Variants in CSMD1 observed in about 807,000 individuals in gnomAD.
The protein encoded by CSMD1 is CUB and sushi domain-containing protein 1.
A neutral mutation model predicts 417.5 loss-of-function variants in CSMD1; 213 were observed. That is an observed-to-expected ratio of 0.51 (90% CI 0.46 to 0.57). CSMD1 has a LOEUF of 0.57. Among genes scored for constraint, CSMD1 ranks in the 20% least tolerant of loss-of-function variants. The pLI, the probability that CSMD1 is intolerant of heterozygous loss-of-function variation, is 0.00. For missense variants in CSMD1, 6,923 were observed against 4,529.7 expected (o/e 1.53, Z -15.17); for synonymous variants, 2,862 against 1,736.8 (o/e 1.65, Z -16.11).
At chr8:3,373,303 C>A (rs1289721717) in intron 18 of CSMD1, 3 of 152,212 alleles carry the variant, frequency 2.0e-5, no homozygotes, top group Non-Finnish European at 4.4e-5. Flanking sequence ...ATACCACACA[C>A]AGAACCCGGA....
chr8:3,449,298 C>G (rs898601251), intron 12 of CSMD1, among the ~76,000 whole-genome samples: 1 of 152,122 alleles, frequency 6.6e-6, no homozygotes, highest in Admixed American at 6.5e-5. Context: ...AGCTTCTTTG[C>G]TTTTAAAAAT....
intron 7 of CSMD1, among the ~76,000 whole-genome samples, chr8:3,651,813 A>G (rs62474663): frequency 0.2 from 30,319 of 150,892 alleles, 3,674 homozygotes; most frequent in East Asian, 0.4. Flanking sequence ...ACTTACCACC[A>G]TCAGAGCACC....
chr8:4,760,430 G>A (rs549443923), intron 1 of CSMD1, among the ~76,000 whole-genome samples: 1 of 152,132 alleles, frequency 6.6e-6, no homozygotes, highest in Non-Finnish European at 1.5e-5. Flanking sequence ...GTGGCTAGAA[G>A]AGTCCATGGC....
intron 17 of CSMD1, among the ~76,000 whole-genome samples, chr8:3,391,582 C>G (rs973157049): frequency 1.3e-5 from 2 of 152,174 alleles, no homozygotes; most frequent in African/African-American, 4.8e-5. Flanking sequence ...TGAGATGATT[C>G]CTAAGACTGA....
intron 8 of CSMD1, among the ~76,000 whole-genome samples, chr8:3,593,200 T>A (rs1470320261): frequency 6.6e-6 from 1 of 152,228 alleles, no homozygotes. Context: ...CCCACCATAC[T>A]TGGGACCAAG....
intron 1 of CSMD1, among the ~76,000 whole-genome samples, chr8:4,644,907 G>C (rs951558201): frequency 3.9e-5 from 6 of 152,200 alleles, no homozygotes; most frequent in Non-Finnish European, 8.8e-5. Flanking sequence ...GGGTGAGTTT[G>C]AGTGCATGTG....
intron 12 of CSMD1, among the ~76,000 whole-genome samples, chr8:3,462,006 C>G (rs956177229): frequency 2.0e-5 from 3 of 152,068 alleles, no homozygotes; most frequent in Admixed American, 6.6e-5. Flanking sequence ...TCCTAGGAAA[C>G]GAGGCCAGTC....
chr8:3,411,313 G>C (rs1267981820), intron 12 of CSMD1, among the ~76,000 whole-genome samples: 6 of 152,132 alleles, frequency 3.9e-5, no homozygotes, highest in Non-Finnish European at 5.9e-5. Context: ...CAGGGGCCAA[G>C]AGCAAATTCT....
At chr8:3,956,184 G>A (rs1464996555) in intron 5 of CSMD1, among the ~76,000 whole-genome samples, 1 of 152,160 alleles carries the variant, frequency 6.6e-6, no homozygotes, top group African/African-American at 2.4e-5. Flanking sequence ...ACAATTTTGG[G>A]GTATTAACCA....
At chr8:3,657,259 T>C (rs896003418) in intron 7 of CSMD1, among the ~76,000 whole-genome samples, 2 of 152,222 alleles carry the variant, frequency 1.3e-5, no homozygotes, top group African/African-American at 4.8e-5. Flanking sequence ...AGCATTTCTA[T>C]ATGCCAACAG....
At chr8:4,949,087 TG>T (rs1808560953) in intron 1 of CSMD1, among the ~76,000 whole-genome samples, 1 of 152,150 alleles carries the variant, frequency 6.6e-6, no homozygotes. Context: ...TAACTTTTTT[TG>T]TAACTTTAAT....
chr8:4,837,330 A>G (rs149627397), intron 1 of CSMD1, among the ~76,000 whole-genome samples: 1 of 152,224 alleles, frequency 6.6e-6, no homozygotes, highest in Non-Finnish European at 1.5e-5. Context: ...ACAATAGCAG[A>G]GATTTGGAAG....
At chr8:4,536,060 G>C (rs1314807244) in intron 2 of CSMD1, among the ~76,000 whole-genome samples, 1 of 152,156 alleles carries the variant, frequency 6.6e-6, no homozygotes, top group Admixed American at 6.5e-5. Flanking sequence ...TTTCCTCAGT[G>C]TTTTCATAGG....
intron 25 of CSMD1, among the ~76,000 whole-genome samples, chr8:3,292,535 G>C (rs987447691): frequency 1.3e-5 from 2 of 152,144 alleles, no homozygotes; most frequent in African/African-American, 4.8e-5. Context: ...TATATATTTA[G>C]GAGAGCTAGC....
intron 3 of CSMD1, among the ~76,000 whole-genome samples, chr8:4,080,324 C>G (rs888584286): frequency 2.0e-5 from 3 of 152,102 alleles, no homozygotes; most frequent in Non-Finnish European, 4.4e-5. Context: ...ACGATCTTAC[C>G]CGTGAGTACT....
intron 5 of CSMD1, among the ~76,000 whole-genome samples, chr8:3,845,780 TAA>T (rs1186840722): frequency 2.0e-5 from 3 of 152,196 alleles, no homozygotes; most frequent in Non-Finnish European, 4.4e-5. Flanking sequence ...TACAGCTGTA[TAA>T]AATATCTTAT....
intron 28 of CSMD1, among the ~76,000 whole-genome samples, chr8:3,219,871 A>T (rs577421235): frequency 2.6e-5 from 4 of 152,276 alleles, no homozygotes; most frequent in African/African-American, 9.6e-5. Context: ...AAAATATTGC[A>T]ATTTCAAAAT....
intron 5 of CSMD1, among the ~76,000 whole-genome samples, chr8:3,781,691 G>C (rs911384039): frequency 6.6e-6 from 1 of 152,196 alleles, no homozygotes; most frequent in Non-Finnish European, 1.5e-5. Context: ...CTGGACTCCA[G>C]CCTACGGAGG....
intron 3 of CSMD1, among the ~76,000 whole-genome samples, chr8:4,365,843 G>C (rs879401071): frequency 2.6e-5 from 4 of 152,066 alleles, no homozygotes; most frequent in Non-Finnish European, 4.4e-5. Context: ...ATTCCACCAA[G>C]GAAACATCAC....
Sources: gnomAD v4.1 joint callset for allele counts (sites outside exome capture counted in the v4.1 genomes callset) on GRCh38, gnomAD v4.1.1 for gene constraint, MANE v1.5 for transcripts, NCBI Gene and HGNC (gene_info 2026-07-23, HGNC 2026-07-21) for gene names.